Variants in CTNNA3 observed in about 807,000 individuals in gnomAD.
CTNNA3 encodes the protein catenin alpha-3.
Under a neutral mutation model 95.7 loss-of-function variants are expected in CTNNA3, and 76 were observed. The ratio of observed to expected loss-of-function variants is 0.79; its 90% CI spans 0.66 to 0.96. The LOEUF (loss-of-function observed/expected upper bound fraction) is 0.96, where lower values mean the gene tolerates loss of function less well. CTNNA3 is among the 40% of genes least tolerant of loss of function. The pLI is 0.00. For missense variants in CTNNA3, 1,191 were observed against 1,089.8 expected (o/e 1.09, Z -1.31); for synonymous variants, 431 against 374.4 (o/e 1.15, Z -1.74).
chr10:65,948,846 A>T (rs2077565887), intron 17 of CTNNA3, among the ~76,000 whole-genome samples: 1 of 152,208 alleles, frequency 6.6e-6, no homozygotes, highest in Non-Finnish European at 1.5e-5. Context: ...GTCTTAAGAA[A>T]TGTCTATGCT....
At chr10:66,652,749 T>C (rs1295017178) in intron 9 of CTNNA3, among the ~76,000 whole-genome samples, 1 of 152,100 alleles carries the variant, frequency 6.6e-6, no homozygotes, top group Non-Finnish European at 1.5e-5. Context: ...AACAAAATAC[T>C]AGCAAACCAA....
chr10:67,128,976 C>T lies in CTNNA3; in HGVS notation c.1047+51341G>A, dbSNP rs75293662. Among the ~76,000 whole-genome samples the T allele has an allele frequency of 8.1e-3, 1,226 of 151,812 alleles. 25 individuals are homozygous for T. The highest frequency in any genetic ancestry group is 0.028 in the African/African-American group (1,165 of 41,392). ...TGAAAAAGTGTAAATTAAAAATGTA[C>T]ATTAATTTAAAAATTCTTCTGACCA... On this transcript the variant is annotated intron_variant, in intron 7 of 17. Coordinates refer to ENST00000433211, the MANE Select transcript of CTNNA3 (RefSeq NM_013266.4).
intron 15 of CTNNA3, among the ~76,000 whole-genome samples, chr10:66,033,414 C>T (rs977662960): frequency 5.9e-5 from 9 of 152,088 alleles, no homozygotes; most frequent in Non-Finnish European, 1.2e-4. Flanking sequence ...GGATTACAGG[C>T]GTGAGCCACT....
Position 67,389,874 on chromosome 10 carries a change from C to A in CTNNA3, c.579+131968G>T, listed in dbSNP as rs368529503. 3.8e-3 allele frequency among the ~76,000 whole-genome samples: 577 copies of A among 151,528 alleles called. 8 individuals are homozygous for A. Among genetic ancestry groups the A allele is most frequent in the East Asian group, 0.028 (146 of 5,152 alleles). On this transcript the variant is annotated intron_variant, in intron 5 of 17. Coordinates refer to ENST00000433211, the MANE Select transcript of CTNNA3 (RefSeq NM_013266.4). ...TTTGAAACCAACGAGAACAAAGACA[C>A]AACATACCAGAATCTCTGGGACACA... is the stretch of plus-strand genomic sequence containing the variant.
At chr10:67,236,515 G>T (rs1224866131) in intron 5 of CTNNA3, among the ~76,000 whole-genome samples, 2 of 145,234 alleles carry the variant, frequency 1.4e-5, no homozygotes, top group Non-Finnish European at 3.0e-5. Context: ...CTGTTGTGGG[G>T]TGGGGGGGGT....
chr10:67,156,425 C>T (rs896664875), intron 7 of CTNNA3, among the ~76,000 whole-genome samples: 2 of 151,104 alleles, frequency 1.3e-5, no homozygotes, highest in Non-Finnish European at 3.0e-5. Context: ...GTCATGGAAA[C>T]TTCCCTCTTA....
intron 11 of CTNNA3, among the ~76,000 whole-genome samples, chr10:66,418,556 G>GACACACACACACACACACACAC (rs57694585): frequency 6.2e-5 from 9 of 144,492 alleles, no homozygotes; most frequent in African/African-American, 1.3e-4. Flanking sequence ...AGCACACAGG[G>GACACACACACACACACACACAC]ACACACACAC....
intron 5 of CTNNA3, among the ~76,000 whole-genome samples, chr10:67,390,521 T>G (rs1251491693): frequency 6.6e-6 from 1 of 151,654 alleles, no homozygotes; most frequent in East Asian, 1.9e-4. Context: ...TTCCAATCAA[T>G]AGAAAAAGAG....
chr10:66,368,681 G>A (rs544666571), intron 12 of CTNNA3, among the ~76,000 whole-genome samples: 116 of 152,132 alleles, frequency 7.6e-4, no homozygotes, highest in African/African-American at 2.7e-3. Context: ...CACTAATACC[G>A]ATTTACCAAC....
chr10:66,485,417 AC>A (rs1211808068), intron 11 of CTNNA3, among the ~76,000 whole-genome samples: 10 of 152,144 alleles, frequency 6.6e-5, no homozygotes, highest in Non-Finnish European at 1.3e-4. Context: ...AAATCAATAT[AC>A]AAAAATTAGT....
chr10:66,715,200 C>T (rs544123905), intron 9 of CTNNA3, among the ~76,000 whole-genome samples: 181 of 152,192 alleles, frequency 1.2e-3, no homozygotes, highest in African/African-American at 4.3e-3. Context: ...ACATAATTTT[C>T]CCAAATTAAA....
chr10:65,921,489 A>C (rs1433670155), intron 17 of CTNNA3, among the ~76,000 whole-genome samples: 1 of 152,262 alleles, frequency 6.6e-6, no homozygotes, highest in Non-Finnish European at 1.5e-5. Context: ...GTGTCAAAAC[A>C]CTAGAATGCT....
intron 12 of CTNNA3, among the ~76,000 whole-genome samples, chr10:66,361,017 T>C (rs1394710487): frequency 6.6e-6 from 1 of 151,276 alleles, no homozygotes; most frequent in East Asian, 2.0e-4. Flanking sequence ...AGTACAGTAG[T>C]GCAATCATAG....
intron 13 of CTNNA3, among the ~76,000 whole-genome samples, chr10:66,137,099 C>T (rs1564687995): frequency 6.6e-6 from 1 of 151,904 alleles, no homozygotes; most frequent in East Asian, 1.9e-4. Flanking sequence ...CTTGAGCCAC[C>T]GCGCCCAGCC....
At chr10:67,045,505 T>G (rs1279774355) in intron 7 of CTNNA3, among the ~76,000 whole-genome samples, 1 of 152,194 alleles carries the variant, frequency 6.6e-6, no homozygotes, top group East Asian at 1.9e-4. Flanking sequence ...GCGAGGGAAC[T>G]GTTCTGCTAC....
intron 16 of CTNNA3, among the ~76,000 whole-genome samples, chr10:65,973,583 GTAATTTA>G (rs1371350210): frequency 1.3e-5 from 2 of 152,114 alleles, no homozygotes; most frequent in Admixed American, 1.3e-4. Flanking sequence ...TTCAGACTGG[GTAATTTA>G]TAAAGAAAAG....
rs1860143266 is a variant in CTNNA3, at chr10:67,133,522, G to GAGGGAGCTGCATGCCT, written c.1047+46779_1047+46794dup. ...AGAAATACAAAGGAGCAAAGGAATG[G>GAGGGAGCTGCATGCCT]AGGGAGCTGCATGCCTAGGGAGCAT... is the stretch of plus-strand genomic sequence containing the variant. On this transcript the variant is annotated intron_variant, in intron 7 of 17. Transcript: ENST00000433211. Among the ~76,000 whole-genome samples the GAGGGAGCTGCATGCCT allele has an allele frequency of 2.0e-5, 3 of 151,666 alleles. No individual in the cohort carries two copies. The East Asian group carries it at 5.8e-4, about 30-fold the overall frequency.
intron 2 of CTNNA3, among the ~76,000 whole-genome samples, chr10:67,636,090 T>C (rs893638159): frequency 3.3e-5 from 5 of 151,916 alleles, no homozygotes; most frequent in African/African-American, 1.2e-4. Context: ...TAATAAAAGA[T>C]CTAAGAACAC....
intron 11 of CTNNA3, among the ~76,000 whole-genome samples, chr10:66,442,228 T>C (rs989952110): frequency 6.6e-6 from 1 of 152,068 alleles, no homozygotes; most frequent in African/African-American, 2.4e-5. Context: ...TATGCATAGG[T>C]TATATGCCAA....
Sources: gnomAD v4.1 joint callset for allele counts (sites outside exome capture counted in the v4.1 genomes callset) on GRCh38, gnomAD v4.1.1 for gene constraint, MANE v1.5 for transcripts, NCBI Gene and HGNC (gene_info 2026-07-23, HGNC 2026-07-21) for gene names.